The following PRKN variants were observed in gnomAD, a reference collection of about 807,000 sequenced individuals.
The protein encoded by PRKN is E3 ubiquitin-protein ligase parkin.
PRKN carries 56 observed loss-of-function variants against 59.5 expected under a neutral mutation model. The observed-to-expected ratio is 0.94, with a 90% CI of 0.76 to 1.18. The LOEUF (loss-of-function observed/expected upper bound fraction) is 1.18. PRKN is among the 50% of genes most tolerant of loss of function. The pLI, the probability that PRKN is intolerant of heterozygous loss-of-function variation, is 0.00. For synonymous variants in PRKN, 250 were observed against 222.1 expected, an observed-to-expected ratio of 1.13 and a Z score of -1.12; for missense variants, 657 against 596.4, an observed-to-expected ratio of 1.10 and a Z score of -1.06.
intron 2 of PRKN, among the ~76,000 whole-genome samples, chr6:162,414,746 A>AAAAT (rs1788541551): frequency 1.3e-5 from 2 of 149,212 alleles, no homozygotes; most frequent in Admixed American, 1.3e-4. Context: ...TTGAAGTTTT[A>AAAAT]AAATAATGCT....
rs767539742 is a variant in PRKN, at chr6:161,350,203, T to C, written c.1294A>G (p.Met432Val). 2.5e-6 allele frequency: 4 copies of C among 1,612,372 alleles called. No individual in the cohort carries two copies. Among genetic ancestry groups the C allele is most frequent in the Non-Finnish European group, 2.5e-6 (3 of 1,178,920 alleles). ...HVPVEKNGGC[M>V]HMKCPQPQCR... ...TGGGGCTGCGGACACTTCATGTGCA[T>C]GCAGCCTCCTGTTGGGGGCAGAAAA... The change falls in exon 12 of 12, where the codon ATG becomes GTG. Residue 432 changes from methionine to valine, a missense_variant. Coordinates refer to ENST00000366898, the MANE Select transcript of PRKN (RefSeq NM_004562.3).
At position 162,262,709 on chromosome 6, in the gene PRKN, T is replaced by C. The variant is rs370161857; in HGVS notation, c.228A>G (p.Lys76=). The C allele has an allele frequency of 3.5e-5, 57 of 1,611,938 alleles. No homozygotes were observed. The highest frequency in any genetic ancestry group is 4.6e-5 in the Non-Finnish European group (54 of 1,179,856). ...CTCCAGTTGCATTCATTTCTTGACC[T>C]TTTCTCCACGGTCTCTGCACAATGT... ...IVHIVQRPWR[K]GQEMNATGGD... The change falls in exon 3 of 12, where the codon AAA becomes AAG. Residue 76 remains lysine (K), a synonymous_variant. Coordinates refer to ENST00000366898, the MANE Select transcript of PRKN (RefSeq NM_004562.3).
intron 1 of PRKN, among the ~76,000 whole-genome samples, chr6:162,468,550 T>G (rs952890292): frequency 2.0e-5 from 3 of 152,224 alleles, no homozygotes; most frequent in Non-Finnish European, 4.4e-5. Context: ...TGGCAAAGTT[T>G]CTCATTATAT....
intron 2 of PRKN, among the ~76,000 whole-genome samples, chr6:162,297,093 T>G (rs1781709382): frequency 6.6e-6 from 1 of 152,096 alleles, no homozygotes; most frequent in Non-Finnish European, 1.5e-5. Flanking sequence ...TCATGTGAAT[T>G]TCAAGCCATA....
chr6:162,684,721 A>G (rs1395519265), intron 1 of PRKN, among the ~76,000 whole-genome samples: 1 of 152,172 alleles, frequency 6.6e-6, no homozygotes, highest in Admixed American at 6.5e-5. Flanking sequence ...CTTATTTTAA[A>G]TCTGTTCACT....
rs528762752 is a variant in PRKN, at chr6:161,502,880, C to T, written c.1083+45974G>A. 2.1e-4 allele frequency among the ~76,000 whole-genome samples: 32 copies of T among 152,170 alleles called. 1 individual carries two copies. The highest frequency in any genetic ancestry group is 7.5e-4 in the African/African-American group (31 of 41,510). On this transcript the variant is annotated intron_variant, in intron 9 of 11. Coordinates refer to ENST00000366898, the MANE Select transcript of PRKN (RefSeq NM_004562.3). This position sits in a 1 kb window ranked among gnomAD's most constrained non-coding sequence, Gnocchi z 4.0. Reference sequence around the variant, plus strand: ...ACCTGACTCCACAGCTTAGTAGGTGCGTAACCCTGGGGATGTCGCTTAATT... The same window carrying T: ...ACCTGACTCCACAGCTTAGTAGGTGTGTAACCCTGGGGATGTCGCTTAATT...
At chr6:161,387,162 G>T (rs2114944694) in intron 9 of PRKN, among the ~76,000 whole-genome samples, 1 of 151,572 alleles carries the variant, frequency 6.6e-6, no homozygotes, top group East Asian at 1.9e-4. Context: ...ATATGGTTTG[G>T]CTGTGTCCCC....
rs549954392 is a variant in PRKN, at chr6:161,555,434, T to A, written c.934-6431A>T. ...TCCTTTGCTGTTGCTCAGTTTTACA[T>A]GAAATTAGTTCTCCTGAAATTTTAC... On this transcript the variant is annotated intron_variant, in intron 8 of 11. Transcript: ENST00000366898. Among the ~76,000 whole-genome samples, 7 of 152,196 alleles carry A rather than the reference T, an allele frequency of 4.6e-5. No individual in the cohort carries two copies. The East Asian group carries it at 1.4e-3, about 29-fold the overall frequency.
chr6:162,637,004 C>T (rs1021063332), intron 1 of PRKN, among the ~76,000 whole-genome samples: 2 of 151,994 alleles, frequency 1.3e-5, no homozygotes, highest in Non-Finnish European at 2.9e-5. Flanking sequence ...CGCCTGTAAT[C>T]CCAGCACTTT....
In PRKN at chr6:162,323,785, T is replaced by G. The variant is rs116097261; in HGVS notation, c.172-61020A>C. The stretch of plus-strand genomic sequence containing the variant: ...GGTGAAGGTTGGGAATAACTGAAAC[T>G]CCCATGCACCGCTTCTGGGAACATA... On this transcript the variant is annotated intron_variant, in intron 2 of 11. Coordinates refer to ENST00000366898, the MANE Select transcript of PRKN (RefSeq NM_004562.3). 9.9e-3 allele frequency among the ~76,000 whole-genome samples: 1,509 copies of G among 152,134 alleles called. 31 individuals carry two copies. Among genetic ancestry groups the G allele is most frequent in the African/African-American group, 0.034 (1,404 of 41,512 alleles).
intron 7 of PRKN, among the ~76,000 whole-genome samples, chr6:161,661,576 A>T (rs62436833): frequency 0.13 from 19,090 of 151,312 alleles, 1,819 homozygotes; most frequent in African/African-American, 0.26. Context: ...TTCTGTAGCA[A>T]GTGCTGTCTC....
intron 7 of PRKN, among the ~76,000 whole-genome samples, chr6:161,711,306 G>A (rs1231169627): frequency 6.6e-6 from 1 of 152,116 alleles, no homozygotes; most frequent in Non-Finnish European, 1.5e-5. Flanking sequence ...GCAAATGGAG[G>A]AAGCATTGTT....
intron 1 of PRKN, among the ~76,000 whole-genome samples, chr6:162,715,168 C>A (rs1261679607): frequency 6.6e-6 from 1 of 152,056 alleles, no homozygotes; most frequent in Non-Finnish European, 1.5e-5. Flanking sequence ...AGGCTAGGAG[C>A]CCCAAAGATA....
At position 162,416,282 on chromosome 6, in the gene PRKN, C is replaced by T. The variant is rs148300811; in HGVS notation, c.171+27028G>A. 2.2e-3 allele frequency among the ~76,000 whole-genome samples: 329 copies of T among 152,122 alleles called. 1 individual carries two copies. The highest frequency in any genetic ancestry group is 7.6e-3 in the African/African-American group (314 of 41,488). On this transcript the variant is annotated intron_variant, in intron 2 of 11. Transcript: ENST00000366898. Reference sequence around the variant, plus strand: ...TCCATATTTTCCCACCATTTGAATCCCCCAGACCCCACCTCTACCTGGTGA... The same window carrying T: ...TCCATATTTTCCCACCATTTGAATCTCCCAGACCCCACCTCTACCTGGTGA...
intron 1 of PRKN, among the ~76,000 whole-genome samples, chr6:162,678,287 CAT>C (rs754619238): frequency 5.3e-5 from 8 of 152,140 alleles, no homozygotes; most frequent in Non-Finnish European, 1.2e-4. Context: ...TTTGCATGAA[CAT>C]ATGTTTTCAT....
At chr6:161,670,551 C>G (rs1017494193) in intron 7 of PRKN, among the ~76,000 whole-genome samples, 1 of 152,184 alleles carries the variant, frequency 6.6e-6, no homozygotes, top group Non-Finnish European at 1.5e-5. Flanking sequence ...CGCAGTGGCT[C>G]ACGCCTGTAA....
intron 2 of PRKN, among the ~76,000 whole-genome samples, chr6:162,433,586 G>A (rs9365426): frequency 0.12 from 17,745 of 152,090 alleles, 1,417 homozygotes; most frequent in African/African-American, 0.23. Flanking sequence ...TGACTCCAAG[G>A]TACAAAACAG....
At position 161,498,602 on chromosome 6, in the gene PRKN, C is replaced by T. The variant is rs1268405686; in HGVS notation, c.1083+50252G>A. Among the ~76,000 whole-genome samples the T allele has an allele frequency of 6.6e-6, 1 of 152,170 alleles. No homozygotes were observed. Among genetic ancestry groups the T allele is most frequent in the Admixed American group, 6.5e-5 (1 of 15,286 alleles). On this transcript the variant is annotated intron_variant, in intron 9 of 11. Coordinates refer to ENST00000366898, the MANE Select transcript of PRKN (RefSeq NM_004562.3). This position sits in a 1 kb window ranked among gnomAD's most constrained non-coding sequence, Gnocchi z 4.2. ...AGGCCAGAGCCTTTAATTTCTGGCA[C>T]TCAACTCTCCATCCCTCCCACCATC...
chr6:162,340,443 G>C (rs549743420), intron 2 of PRKN, among the ~76,000 whole-genome samples: 3 of 152,174 alleles, frequency 2.0e-5, no homozygotes, highest in African/African-American at 7.2e-5. Context: ...CCAATGTCTA[G>C]ACATTTCCCT....
Sources: gnomAD v4.1 joint callset for allele counts (sites outside exome capture counted in the v4.1 genomes callset) on GRCh38, gnomAD v4.1.1 for gene constraint, Gnocchi (gnomAD v3.1) non-coding constraint, MANE v1.5 for transcripts, NCBI Gene and HGNC (gene_info 2026-07-23, HGNC 2026-07-21) for gene names.